SLC12A1: variants seen among roughly 807,000 people sequenced by gnomAD.
SLC12A1 encodes Na-K-2Cl cotransporter.
SLC12A1 carries 89 observed loss-of-function variants against 130.4 expected under a neutral mutation model. That is an observed-to-expected ratio of 0.68 (90% confidence interval 0.58 to 0.81). The LOEUF is 0.81. Ranked by LOEUF, SLC12A1 falls within the 40% of genes least tolerant of loss-of-function variation. The pLI, the probability that SLC12A1 is intolerant of heterozygous loss-of-function variation, is 0.00. For missense variants in SLC12A1, 1,310 were observed against 1,336.4 expected (o/e 0.98, Z 0.31); for synonymous variants, 499 against 460.0 (o/e 1.08, Z -1.09).
intron 17 of SLC12A1, among the ~76,000 whole-genome samples, chr15:48,264,273 GT>G (rs200792311): frequency 3.3e-5 from 5 of 151,498 alleles, no homozygotes; most frequent in African/African-American, 4.9e-5. Flanking sequence ...TCTTTTTCTC[GT>G]TTTTTTTCTA....
intron 6 of SLC12A1, 33 bp downstream of exon 6, chr15:48,229,361 C>A: frequency 6.4e-7 from 1 of 1,561,968 alleles, no homozygotes; most frequent in Non-Finnish European, 8.7e-7. Context: ...TTCTGCCAAG[C>A]AGCATAATTT....
At chr15:48,284,178 TTTTA>T (rs1281440868) in intron 20 of SLC12A1, among the ~76,000 whole-genome samples, 1 of 152,242 alleles carries the variant, frequency 6.6e-6, no homozygotes, top group Non-Finnish European at 1.5e-5. Flanking sequence ...AAACCTCAGC[TTTTA>T]TTTCTTTGAC....
rs977534691 is a variant in SLC12A1, at chr15:48,277,550, T to C, written c.2485+2897T>C. On this transcript the variant is annotated intron_variant, in intron 20 of 26. Coordinates refer to ENST00000380993, the MANE Select transcript of SLC12A1 (RefSeq NM_000338.3). Reference sequence around the variant, plus strand: ...TAGTAAGCATTTTAAAAAGTCATGATGGAGAATGAAAAAGATCAGCAAGAA... The same window carrying C: ...TAGTAAGCATTTTAAAAAGTCATGACGGAGAATGAAAAAGATCAGCAAGAA... Among the ~76,000 whole-genome samples the C allele has an allele frequency of 4.0e-5, 6 of 148,806 alleles. No individual in the cohort carries two copies. The East Asian group carries it at 9.6e-4, about 24-fold the overall frequency.
intron 21 of SLC12A1, among the ~76,000 whole-genome samples, chr15:48,286,037 TG>T (rs2042053141): frequency 6.6e-6 from 1 of 152,206 alleles, no homozygotes; most frequent in Non-Finnish European, 1.5e-5. Context: ...ATGGTTTCTC[TG>T]GGAGGGTCTC....
chr15:48,249,842 A>G (rs563641231), intron 14 of SLC12A1, among the ~76,000 whole-genome samples, 166 bp downstream of exon 14: 9 of 152,322 alleles, frequency 5.9e-5, no homozygotes, highest in Non-Finnish European at 4.4e-5. Context: ...TGAGTTTTGA[A>G]ATAGAAAAAG....
intron 17 of SLC12A1, among the ~76,000 whole-genome samples, chr15:48,259,812 A>G (rs1310274735): frequency 6.6e-6 from 1 of 152,180 alleles, no homozygotes; most frequent in Admixed American, 6.5e-5. Flanking sequence ...GCCTTAGATA[A>G]ACATTCAGAG....
chr15:48,229,452 G>T (rs2041341549), intron 6 of SLC12A1, 124 bp downstream of exon 6: 1 of 926,360 alleles, frequency 1.1e-6, no homozygotes, highest in Non-Finnish European at 1.6e-6. Context: ...AGTGGAAGGA[G>T]CCTGGGCTTG....
intron 10 of SLC12A1, among the ~76,000 whole-genome samples, chr15:48,243,914 G>A (rs34220787): frequency 0.026 from 3,963 of 152,168 alleles, 186 homozygotes; most frequent in African/African-American, 0.092. Context: ...TACTTCACAC[G>A]TATATTCATA....
At position 48,221,140 on chromosome 15, in the gene SLC12A1, G is replaced by A. The variant is rs537218151; in HGVS notation, c.628+144G>A. On this transcript the variant is annotated intron_variant, in intron 4 of 26. Coordinates refer to ENST00000380993, the MANE Select transcript of SLC12A1 (RefSeq NM_000338.3). Reference sequence around the variant, plus strand: ...GCTCCTTTTACTTTGCTTCTTTGACGATGTTTGTCAGAAAGCAAAGGTGAA... The same window carrying A: ...GCTCCTTTTACTTTGCTTCTTTGACAATGTTTGTCAGAAAGCAAAGGTGAA... The A allele has an allele frequency of 1.8e-4, 151 of 827,182 alleles. No individual in the cohort carries two copies. In the East Asian group the frequency reaches 3.5e-3, roughly 19 times the overall value. The allele number at this position is 827,182 out of a possible 1,614,324, so 51.2% of individuals were successfully genotyped here.
At chr15:48,228,883 T>G in intron 5 of SLC12A1, 1 of 217,714 alleles carries the variant, frequency 4.6e-6, no homozygotes. Context: ...AATACTCCAA[T>G]GATATTTTTA....
intron 15 of SLC12A1, among the ~76,000 whole-genome samples, chr15:48,254,592 T>TA (rs550686114): frequency 0.045 from 2,390 of 52,822 alleles, 397 homozygotes; most frequent in Middle Eastern, 0.078. Context: ...CTTAAATTCG[T>TA]AAAAAAAAAA....
Position 48,226,458 on chromosome 15 carries a change from A to G in SLC12A1, c.629-18A>G. 1 of 1,445,298 alleles carries G rather than the reference A, an allele frequency of 6.9e-7. No homozygotes were observed. Among genetic ancestry groups the G allele is most frequent in the Non-Finnish European group, 9.6e-7 (1 of 1,044,586 alleles). 89.5% of individuals were successfully genotyped at this position (1,445,298 alleles called of 1,614,324 possible). On this transcript the variant is annotated intron_variant, in intron 4 of 26. Transcript: ENST00000380993. ...AGAAAAGTAAAATGCAATATCTTCT[A>G]TCTTTCATTGCTAACAGGTCTTGGA...
At chr15:48,301,510 G>GGGGGGGGGGGGT in intron 26 of SLC12A1, 128 bp downstream of exon 26, 1 of 497,246 alleles carries the variant, frequency 2.0e-6, no homozygotes, top group East Asian at 5.2e-5. Context: ...TTTGGGGGGG[G>GGGGGGGGGGGGT]GAACACGTGG....
Position 48,264,790 on chromosome 15 carries a change from C to A in SLC12A1, c.2155-2771C>A, listed in dbSNP as rs189278299. On this transcript the variant is annotated intron_variant, in intron 17 of 26. Coordinates refer to ENST00000380993, the MANE Select transcript of SLC12A1 (RefSeq NM_000338.3). ...CACTTGGTGAATTCCTCTGTTTGAT[C>A]CGAATGGGGTTGGAACCCCTTTACA... 1.7e-4 allele frequency among the ~76,000 whole-genome samples: 26 copies of A among 152,258 alleles called. No homozygotes were observed. In the East Asian group the frequency reaches 5.0e-3, roughly 29 times the overall value.
chr15:48,229,443 G>A, intron 6 of SLC12A1, 115 bp downstream of exon 6: 1 of 1,016,506 alleles, frequency 9.8e-7, no homozygotes, highest in East Asian at 2.6e-5. Flanking sequence ...GTTAAATATA[G>A]TGGAAGGAGC....
chr15:48,219,126 C>G (rs981009708), intron 2 of SLC12A1, among the ~76,000 whole-genome samples: 1 of 152,206 alleles, frequency 6.6e-6, no homozygotes, highest in African/African-American at 2.4e-5. Context: ...CTAGCATATT[C>G]AACAATTCTC....
intron 2 of SLC12A1, among the ~76,000 whole-genome samples, chr15:48,210,887 C>T (rs547288676): frequency 1.1e-4 from 16 of 151,728 alleles, no homozygotes; most frequent in Non-Finnish European, 2.1e-4. Context: ...AACAGAAAGC[C>T]ATCTAAATGA....
intron 2 of SLC12A1, among the ~76,000 whole-genome samples, chr15:48,211,038 C>CA (rs750701292): frequency 1.4e-4 from 21 of 152,046 alleles, no homozygotes; most frequent in Non-Finnish European, 2.2e-4. Context: ...AAAGGAATGG[C>CA]AAATTAAAAT....
intron 21 of SLC12A1, among the ~76,000 whole-genome samples, chr15:48,285,533 G>T (rs1282926043): frequency 1.2e-4 from 18 of 152,204 alleles, no homozygotes; most frequent in Admixed American, 9.8e-4. Flanking sequence ...CCATAAAACA[G>T]AAGTTTCTCA....
Sources: allele counts gnomAD v4.1 joint callset (sites outside exome capture counted in the v4.1 genomes callset), GRCh38; gene constraint gnomAD v4.1.1; transcripts MANE v1.5; gene names NCBI Gene and HGNC (gene_info 2026-07-23, HGNC 2026-07-21).